The following MFSD12 variants were observed in gnomAD, a reference collection of about 807,000 sequenced individuals.
MFSD12 encodes major facilitator superfamily domain containing 12, also known as major facilitator superfamily domain-containing protein 12.
MFSD12 carries 67 observed loss-of-function variants against 51.2 expected under a neutral mutation model. The observed-to-expected ratio is 1.31, with a 90% CI of 1.08 to 1.60. The LOEUF is 1.60. MFSD12 is among the 40% of genes most tolerant of loss of function. The pLI is 0.00. For missense variants in MFSD12, 921 were observed against 673.0 expected (o/e 1.37, Z -4.08); for synonymous variants, 441 against 316.7 (o/e 1.39, Z -4.17).
At chr19:3,553,728 C>CAAAA (rs35093968) in intron 1 of MFSD12, among the ~76,000 whole-genome samples, 4 of 61,330 alleles carry the variant, frequency 6.5e-5, no homozygotes, top group African/African-American at 1.5e-4. Flanking sequence ...CTCCATCTCT[C>CAAAA]AAAAAAAAAA....
At chr19:3,553,860 T>A (rs996943109) in intron 1 of MFSD12, among the ~76,000 whole-genome samples, 1 of 149,742 alleles carries the variant, frequency 6.7e-6, no homozygotes, top group African/African-American at 2.5e-5. Context: ...AGCGGATGGA[T>A]CACCTGAGGT....
At chr19:3,548,984 C>T (rs767474022) in intron 2 of MFSD12, among the ~76,000 whole-genome samples, 5 of 152,174 alleles carry the variant, frequency 3.3e-5, no homozygotes, top group East Asian at 1.9e-4. Flanking sequence ...TCCCCCGACA[C>T]GAAGGCGCTG....
downstream of MFSD12, among the ~76,000 whole-genome samples, chr19:3,540,870 T>C (rs1367254231): frequency 4.9e-5 from 3 of 61,122 alleles, no homozygotes; most frequent in African/African-American, 6.8e-5. Context: ...AAACTCCATC[T>C]CAAAAAAAAA....
chr19:3,547,346 G>T lies in MFSD12; in HGVS notation c.949C>A (p.Pro317Thr). The change falls in exon 6 of 10, where the codon CCC becomes ACC. Residue 317 changes from proline (P) to threonine (T), a missense_variant. Pro to Thr is a conservative substitution (Grantham distance 38). Coordinates refer to ENST00000355415, the MANE Select transcript of MFSD12 (RefSeq NM_174983.5). Reference protein sequence around the residue: ...HLPKKFIATIPLVMYLSGFLS... With the variant: ...HLPKKFIATITLVMYLSGFLS... ...AAGCCGCTGAGGTACATCACCAGGG[G>T]AATGGTCGCGATGAACTTCTGCGGA... The T allele has an allele frequency of 6.2e-7, 1 of 1,613,328 alleles. No homozygotes were observed. Among genetic ancestry groups the T allele is most frequent in the Non-Finnish European group, 8.5e-7 (1 of 1,179,970 alleles).
At chr19:3,538,702 C>A (rs537187996) in exon 5 of MFSD12, 1 of 473,626 alleles carries the variant, frequency 2.1e-6, no homozygotes, top group Non-Finnish European at 4.4e-6. Context: ...CGGTGTTCTC[C>A]GCCTCGGGCT....
At chr19:3,549,590 G>A (rs555132628) in intron 2 of MFSD12, among the ~76,000 whole-genome samples, 1 of 151,958 alleles carries the variant, frequency 6.6e-6, no homozygotes, top group East Asian at 2.0e-4. Context: ...GGGGGTGGTG[G>A]CGGGTGCCTG....
At position 3,547,368 on chromosome 19, in the gene MFSD12, C is replaced by A; in HGVS notation, c.931-4G>T. 6.2e-7 allele frequency: 1 copy of A among 1,613,190 alleles called. No individual in the cohort carries two copies. Among genetic ancestry groups the A allele is most frequent in the South Asian group, 1.1e-5 (1 of 91,078 alleles). On this transcript the variant is annotated splice_region_variant and splice_polypyrimidine_tract_variant and intron_variant, in intron 5 of 9. Coordinates refer to ENST00000355415, the MANE Select transcript of MFSD12 (RefSeq NM_174983.5). ...GGGGAATGGTCGCGATGAACTTCTG[C>A]GGAGGCAGAGCCAGGCATGCCGTGT...
chr19:3,543,487 C>CCT, downstream of MFSD12: 1 of 1,519,526 alleles, frequency 6.6e-7, no homozygotes, highest in Non-Finnish European at 8.8e-7. Flanking sequence ...AGTGCCCCCC[C>CCT]CCCCGCCCTG....
intron 2 of MFSD12, among the ~76,000 whole-genome samples, chr19:3,550,025 C>T (rs1015984138): frequency 3.6e-4 from 55 of 152,138 alleles, no homozygotes; most frequent in African/African-American, 1.3e-3. Context: ...ATCAGAGATT[C>T]TCCCTGCTGG....
chr19:3,556,404 G>C (rs895259481), intron 1 of MFSD12, among the ~76,000 whole-genome samples: 11 of 152,244 alleles, frequency 7.2e-5, no homozygotes, highest in Non-Finnish European at 1.5e-4. Context: ...GGGCCCCGCA[G>C]GTCAGACAGC....
chr19:3,547,287 CTTG>C lies in MFSD12; in HGVS notation c.1005_1007del (p.Asn335del), dbSNP rs1333033561. On this transcript the variant is annotated inframe_deletion, in exon 6 of 10. Coordinates refer to ENST00000355415, the MANE Select transcript of MFSD12 (RefSeq NM_174983.5). Reference sequence around the variant, plus strand: ...GCCCACTCACGTTCCTCCCAATGCACTTGTTGATGGGCTTCATGAGGAAGGAGG... The same window carrying C: ...GCCCACTCACGTTCCTCCCAATGCACTTGATGGGCTTCATGAGGAAGGAGG... The C allele has an allele frequency of 3.5e-5, 57 of 1,613,002 alleles. No homozygotes were observed. Among genetic ancestry groups the C allele is most frequent in the Non-Finnish European group, 4.8e-5 (57 of 1,179,828 alleles).
intron 2 of MFSD12, 128 bp from the exon 3 acceptor site, chr19:3,548,395 C>A: frequency 7.8e-7 from 1 of 1,276,930 alleles, no homozygotes; most frequent in Non-Finnish European, 1.1e-6. Flanking sequence ...CACTGCCACA[C>A]TGGGTGGCCT....
At chr19:3,549,080 G>A (rs1014887136) in intron 2 of MFSD12, among the ~76,000 whole-genome samples, 11 of 152,174 alleles carry the variant, frequency 7.2e-5, no homozygotes, top group African/African-American at 1.9e-4. Flanking sequence ...CCCAGCTCAC[G>A]GGGAGGATTA....
In MFSD12 at chr19:3,557,115, G is replaced by A; in HGVS notation, c.289C>T (p.His97Tyr). 10 of 1,490,376 alleles carry A rather than the reference G, an allele frequency of 6.7e-6. No individual in the cohort carries two copies. Among genetic ancestry groups the A allele is most frequent in the Non-Finnish European group, 8.9e-6 (10 of 1,124,614 alleles). The allele number at this position is 1,490,376 out of a possible 1,614,324, so 92.3% of individuals were successfully genotyped here. A position where few individuals can be genotyped will look rare whatever the true frequency, so the allele number is the denominator to read the frequency against. Reference protein sequence around the residue: ...CARYGPRKAWHLVGTVCVLLS... With the variant: ...CARYGPRKAWYLVGTVCVLLS... ...GGGCCGGGACGCTTACCGACCAGGT[G>A]CCAGGCCTTGCGCGGGCCGTAGCGG... is the stretch of plus-strand genomic sequence containing the variant. Residue 97 changes from histidine to tyrosine, a missense_variant, in exon 1 of 10, where the codon CAC becomes TAC. Coordinates refer to ENST00000355415, the MANE Select transcript of MFSD12 (RefSeq NM_174983.5).
rs1263289594 is a variant in MFSD12, at chr19:3,551,104, T to A, written c.389A>T (p.Tyr130Phe). 1 of 1,612,862 alleles carries A rather than the reference T, an allele frequency of 6.2e-7. No homozygotes were observed. The highest frequency in any genetic ancestry group is 8.5e-7 in the Non-Finnish European group (1 of 1,179,954). ...GAAGATCACGATGAACGGGCCGTAGTAGAGGAGGGCAGCCCACTCGGGCGT... is the reference window on the plus strand; with the variant it reads ...GAAGATCACGATGAACGGGCCGTAGAAGAGGAGGGCAGCCCACTCGGGCGT... ...AATPEWAALL[Y>F]YGPFIVIFQF... The change falls in exon 2 of 10, where the codon TAC becomes TTC. Residue 130 changes from tyrosine (Y) to phenylalanine (F), a missense_variant. Tyr to Phe is a conservative substitution (Grantham distance 22). Transcript: ENST00000355415. This position sits in a 1 kb window ranked among gnomAD's most constrained non-coding sequence, Gnocchi z 4.6.
chr19:3,556,513 T>TA (rs1568264349), intron 1 of MFSD12, among the ~76,000 whole-genome samples: 1 of 140,794 alleles, frequency 7.1e-6, no homozygotes, highest in East Asian at 2.1e-4. Context: ...CTCAGGCAGA[T>TA]AGAGAAGCCC....
chr19:3,554,336 C>T (rs912337108), intron 1 of MFSD12, among the ~76,000 whole-genome samples: 3 of 151,584 alleles, frequency 2.0e-5, no homozygotes, highest in Non-Finnish European at 4.4e-5. Context: ...ACTCAGGAGG[C>T]TGACGCACGA....
chr19:3,547,760 C>G, intron 4 of MFSD12, 88 bp downstream of exon 4: 1 of 1,421,806 alleles, frequency 7.0e-7, no homozygotes, highest in Non-Finnish European at 9.3e-7. Flanking sequence ...CACGTGTGCT[C>G]TGCGTCTGGA....
downstream of MFSD12, among the ~76,000 whole-genome samples, chr19:3,540,670 A>G (rs2030313677): frequency 6.8e-6 from 1 of 147,156 alleles, no homozygotes; most frequent in African/African-American, 2.5e-5. Context: ...ACCTGAAGTC[A>G]GGAGTTCGAG....
Sources: allele counts gnomAD v4.1 joint callset (sites outside exome capture counted in the v4.1 genomes callset), GRCh38; gene constraint gnomAD v4.1.1; non-coding constraint Gnocchi (gnomAD v3.1); transcripts MANE v1.5; gene names NCBI Gene and HGNC (gene_info 2026-07-23, HGNC 2026-07-21).